GPATCH2L: variants seen among roughly 807,000 people sequenced by gnomAD.
The protein encoded by GPATCH2L is G-patch domain containing 2 like.
Under a neutral mutation model 57.4 loss-of-function variants are expected in GPATCH2L, and 31 were observed. That is an observed-to-expected ratio of 0.54 (90% CI 0.41 to 0.73). GPATCH2L has a LOEUF of 0.73. GPATCH2L is among the 30% of genes least tolerant of loss of function. The pLI is 0.00. For synonymous variants in GPATCH2L, 199 were observed against 210.7 expected (o/e 0.94, Z 0.48); for missense variants, 481 against 599.9 (o/e 0.80, Z 2.07).
At chr14:76,233,541 A>G (rs1018706234) in intron 2 of GPATCH2L, among the ~76,000 whole-genome samples, 2 of 152,120 alleles carry the variant, frequency 1.3e-5, no homozygotes, top group Admixed American at 6.5e-5. Context: ...ACAACCGTCA[A>G]TCAACTCCTG....
chr14:76,219,537 A>G (rs1468831425), intron 1 of GPATCH2L, among the ~76,000 whole-genome samples: 3 of 152,202 alleles, frequency 2.0e-5, no homozygotes, highest in African/African-American at 7.2e-5. Context: ...CAATCCTAGG[A>G]ATTTGTCCTA....
rs540195701 is a variant in GPATCH2L at position 76,198,792 on chromosome 14, G to C, written c.1288+2820G>C. Among the ~76,000 whole-genome samples, 95 of 97,772 alleles carry C rather than the reference G, an allele frequency of 9.7e-4. 1 individual carries two copies. Among genetic ancestry groups the C allele is most frequent in the African/African-American group, 2.4e-3 (88 of 37,292 alleles). The allele number at this position is 97,772 out of a possible 152,430, so 64.1% of individuals were successfully genotyped here. ...CAGATGCATTCACAAGAGCAGGACT[G>C]CTTATCTGTTTTGTTCACTACTGTA... On this transcript the variant is annotated intron_variant, in intron 9 of 9. Coordinates refer to ENST00000261530, the MANE Select transcript of GPATCH2L (RefSeq NM_017926.4).
chr14:76,224,522 AC>A (rs900922406), intron 1 of GPATCH2L, among the ~76,000 whole-genome samples: 2 of 152,182 alleles, frequency 1.3e-5, no homozygotes, highest in African/African-American at 4.8e-5. Context: ...CACTTAACAC[AC>A]TAGGAATAGA....
rs1566824360 is a variant in GPATCH2L, at chr14:76,211,055, T to C, written c.*9204T>C. 6.6e-6 allele frequency: 1 copy of C among 150,862 alleles called. No individual in the cohort carries two copies. Among genetic ancestry groups the C allele is most frequent in the African/African-American group, 2.4e-5 (1 of 40,996 alleles). 9.3% of individuals were successfully genotyped at this position (150,862 alleles called of 1,614,324 possible). A position where few individuals can be genotyped will look rare whatever the true frequency, so the allele number is the denominator to read the frequency against. On this transcript the variant is annotated 3_prime_UTR_variant, in exon 10 of 10. Coordinates refer to ENST00000261530, the MANE Select transcript of GPATCH2L (RefSeq NM_017926.4). ...AACTCAAACTGGGCAGTGGAAGAAG[T>C]AAAAAAAAACATTGAAAGAAATCCT...
intron 8 of GPATCH2L, among the ~76,000 whole-genome samples, chr14:76,182,863 T>C (rs949667967): frequency 2.0e-5 from 3 of 152,122 alleles, no homozygotes; most frequent in Non-Finnish European, 2.9e-5. Flanking sequence ...GGGAGATCTT[T>C]TTAGAGGTGG....
chr14:76,180,908 AC>A, intron 8 of GPATCH2L, 59 bp downstream of exon 8: 1 of 1,000,602 alleles, frequency 1.0e-6, no homozygotes, highest in South Asian at 1.3e-5. Flanking sequence ...CCTTTCTATT[AC>A]CCCTCAAATT....
At chr14:76,233,480 A>G (rs1350105247) in intron 2 of GPATCH2L, among the ~76,000 whole-genome samples, 2 of 152,100 alleles carry the variant, frequency 1.3e-5, no homozygotes, top group African/African-American at 4.8e-5. Flanking sequence ...ACACCCATAA[A>G]AGTTGATAGA....
chr14:76,158,909 C>T (rs1356534994), intron 2 of GPATCH2L, among the ~76,000 whole-genome samples: 3 of 152,048 alleles, frequency 2.0e-5, no homozygotes, highest in African/African-American at 2.4e-5. Context: ...ACATCCATCT[C>T]GTAAAAGAGT....
intron 8 of GPATCH2L, among the ~76,000 whole-genome samples, chr14:76,194,572 T>G (rs1406630767): frequency 6.6e-6 from 1 of 152,074 alleles, no homozygotes. Flanking sequence ...TTGGGGACTT[T>G]CTGAGTCAAA....
intron 2 of GPATCH2L, among the ~76,000 whole-genome samples, chr14:76,157,423 A>T (rs886175833): frequency 1.3e-5 from 2 of 152,242 alleles, no homozygotes; most frequent in Non-Finnish European, 2.9e-5. Context: ...TGTCTTGATG[A>T]GTTGATTCTG....
At chr14:76,159,600 C>T (rs1043387330) in intron 2 of GPATCH2L, among the ~76,000 whole-genome samples, 2 of 152,014 alleles carry the variant, frequency 1.3e-5, no homozygotes, top group African/African-American at 4.8e-5. Context: ...TGATTCTGAC[C>T]CCATTCCAGG....
chr14:76,176,912 A>G (rs2039353116), intron 6 of GPATCH2L, among the ~76,000 whole-genome samples: 1 of 152,242 alleles, frequency 6.6e-6, no homozygotes, highest in Middle Eastern at 3.4e-3. Context: ...ATACCTACAG[A>G]TGCTGCATTA....
At chr14:76,187,597 G>T (rs1256235344) in intron 8 of GPATCH2L, among the ~76,000 whole-genome samples, 2 of 151,836 alleles carry the variant, frequency 1.3e-5, no homozygotes, top group East Asian at 3.9e-4. Context: ...AATTTTTGTG[G>T]GTTTGTAGTA....
intron 2 of GPATCH2L, among the ~76,000 whole-genome samples, chr14:76,231,295 ACT>A (rs1461790908): frequency 1.3e-5 from 2 of 151,994 alleles, no homozygotes; most frequent in Admixed American, 6.6e-5. Flanking sequence ...CCTGTTATAG[ACT>A]CACATCATCC....
At chr14:76,183,237 A>T (rs369542796) in intron 8 of GPATCH2L, among the ~76,000 whole-genome samples, 1 of 152,222 alleles carries the variant, frequency 6.6e-6, no homozygotes, top group African/African-American at 2.4e-5. Flanking sequence ...TGAACTTGGA[A>T]ACCTGAGGAA....
At chr14:76,193,440 C>T (rs2040046817) in intron 8 of GPATCH2L, among the ~76,000 whole-genome samples, 1 of 152,138 alleles carries the variant, frequency 6.6e-6, no homozygotes, top group East Asian at 1.9e-4. Context: ...TAATATACTT[C>T]TTGAGTACTT....
At chr14:76,215,173 C>G (rs1414680641), downstream of GPATCH2L, among the ~76,000 whole-genome samples, 1 of 152,100 alleles carries the variant, frequency 6.6e-6, no homozygotes, top group Non-Finnish European at 1.5e-5. Flanking sequence ...AAATGCTCAT[C>G]ATCACTGGCC....
intron 1 of GPATCH2L, among the ~76,000 whole-genome samples, chr14:76,220,606 A>G (rs2040509975): frequency 6.6e-6 from 1 of 152,226 alleles, no homozygotes; most frequent in Non-Finnish European, 1.5e-5. Flanking sequence ...TAATGTCCAT[A>G]GAATACTATA....
Position 76,173,425 on chromosome 14 carries a change from G to A in GPATCH2L, c.905-121G>A, listed in dbSNP as rs1594939771. The A allele has an allele frequency of 4.9e-6, 3 of 617,650 alleles. No individual in the cohort carries two copies. The South Asian group carries it at 6.7e-5, about 14-fold the overall frequency. The allele number at this position is 617,650 out of a possible 1,614,324, so 38.3% of individuals were successfully genotyped here. A position where few individuals can be genotyped will look rare whatever the true frequency, so the allele number is the denominator to read the frequency against. Reference sequence around the variant, plus strand: ...ATAAATCCTTGGCAAATAGCTCTGTGATGCTAGTTTAAAGGTCAATCTATT... The same window carrying A: ...ATAAATCCTTGGCAAATAGCTCTGTAATGCTAGTTTAAAGGTCAATCTATT... On this transcript the variant is annotated intron_variant, in intron 4 of 9. Transcript: ENST00000261530.
Sources: gnomAD v4.1 joint callset for allele counts (sites outside exome capture counted in the v4.1 genomes callset) on GRCh38, gnomAD v4.1.1 for gene constraint, MANE v1.5 for transcripts, NCBI Gene and HGNC (gene_info 2026-07-23, HGNC 2026-07-21) for gene names.